The following KCNH5 variants were observed in gnomAD, a reference collection of about 807,000 sequenced individuals.
The protein encoded by KCNH5 is voltage-gated delayed rectifier potassium channel KCNH5.
KCNH5 carries 46 observed loss-of-function variants against 96.1 expected under a neutral mutation model. That is an observed-to-expected ratio of 0.48 (90% confidence interval 0.38 to 0.61). The LOEUF (loss-of-function observed/expected upper bound fraction) is 0.61, where lower values mean the gene tolerates loss of function less well. Among genes scored for constraint, KCNH5 ranks in the 20% least tolerant of loss-of-function variants. The probability of loss-of-function intolerance (pLI) is 0.00; values close to 1 mark genes in which losing one functional copy is unlikely to be tolerated. For missense variants in KCNH5, 907 were observed against 1,225.8 expected (o/e 0.74, Z 3.88); for synonymous variants, 439 against 449.8 (o/e 0.98, Z 0.30).
At chr14:62,948,178 T>G (rs1485915289) in intron 7 of KCNH5, among the ~76,000 whole-genome samples, 9 of 152,200 alleles carry the variant, frequency 5.9e-5, no homozygotes, top group African/African-American at 2.2e-4. Flanking sequence ...TATGGCTGCA[T>G]AGTATTCCAT....
At chr14:62,820,661 G>A (rs913674475) in intron 8 of KCNH5, among the ~76,000 whole-genome samples, 2 of 152,044 alleles carry the variant, frequency 1.3e-5, no homozygotes, top group East Asian at 1.9e-4. Flanking sequence ...CCTTGAAAAC[G>A]ACATGATCTC....
chr14:62,855,533 T>C (rs1237620269), intron 7 of KCNH5, among the ~76,000 whole-genome samples: 1 of 152,196 alleles, frequency 6.6e-6, no homozygotes, highest in Non-Finnish European at 1.5e-5. Flanking sequence ...TAATTATTCT[T>C]TTCTTAAGCC....
At chr14:63,029,687 T>C (rs192629799) in intron 1 of KCNH5, among the ~76,000 whole-genome samples, 1 of 152,162 alleles carries the variant, frequency 6.6e-6, no homozygotes, top group Non-Finnish European at 1.5e-5. Flanking sequence ...GGAGACAGAT[T>C]TTTTAATTAA....
At chr14:62,929,299 C>T (rs984143181) in intron 7 of KCNH5, among the ~76,000 whole-genome samples, 2 of 152,062 alleles carry the variant, frequency 1.3e-5, no homozygotes, top group South Asian at 4.1e-4. Context: ...TTGTTACTAT[C>T]TTGGCCCAAA....
intron 9 of KCNH5, among the ~76,000 whole-genome samples, chr14:62,797,111 G>A (rs1046327552): frequency 6.6e-6 from 1 of 152,042 alleles, no homozygotes; most frequent in Non-Finnish European, 1.5e-5. Context: ...ACTGTGGTAA[G>A]GGATATTAAG....
At chr14:62,742,462 C>T (rs1034442137) in intron 10 of KCNH5, among the ~76,000 whole-genome samples, 2 of 101,882 alleles carry the variant, frequency 2.0e-5, no homozygotes, top group South Asian at 4.0e-4. Flanking sequence ...GTTTTCAATC[C>T]TGGCGCACAT....
intron 7 of KCNH5, among the ~76,000 whole-genome samples, chr14:62,851,777 T>C (rs765089641): frequency 1.1e-4 from 16 of 152,132 alleles, no homozygotes; most frequent in Non-Finnish European, 1.8e-4. Context: ...GAACTATCTA[T>C]TATTTTGACA....
At position 63,001,484 on chromosome 14, in the gene KCNH5, A is replaced by T. The variant is rs201264764; in HGVS notation, c.305-25T>A. The T allele has an allele frequency of 1.4e-4, 219 of 1,595,696 alleles. No individual in the cohort carries two copies. The Admixed American group carries it at 3.8e-3, about 28-fold the overall frequency. On this transcript the variant is annotated intron_variant, in intron 3 of 10. Coordinates refer to ENST00000322893, the MANE Select transcript of KCNH5 (RefSeq NM_139318.5). The stretch of plus-strand genomic sequence containing the variant: ...CCTGTAACAGAAAGAAGTTGGGGAA[A>T]GGACATTAGAGTGTGGCACGGCCAC...
intron 7 of KCNH5, among the ~76,000 whole-genome samples, chr14:62,933,076 C>CTGAG (rs1566713014): frequency 1.3e-5 from 2 of 152,066 alleles, no homozygotes; most frequent in Admixed American, 6.6e-5. Flanking sequence ...AGACAACAGG[C>CTGAG]TGAGGGCTTT....
At chr14:62,738,904 C>G (rs914888018) in intron 10 of KCNH5, among the ~76,000 whole-genome samples, 3 of 151,962 alleles carry the variant, frequency 2.0e-5, no homozygotes, top group Non-Finnish European at 4.4e-5. Flanking sequence ...AAGATGAATT[C>G]TGAATGAGGA....
chr14:62,816,165 T>C (rs964857090), intron 8 of KCNH5, among the ~76,000 whole-genome samples: 1 of 151,888 alleles, frequency 6.6e-6, no homozygotes, highest in Non-Finnish European at 1.5e-5. Context: ...TGGGAAATTA[T>C]TAAGTGTAAG....
chr14:62,721,310 G>C (rs778234935), intron 10 of KCNH5, among the ~76,000 whole-genome samples: 47 of 152,132 alleles, frequency 3.1e-4, no homozygotes, highest in Admixed American at 2.2e-3. Flanking sequence ...GATTTTTAAA[G>C]ATCAAACTTG....
At chr14:63,010,652 A>C (rs1003144) in intron 2 of KCNH5, among the ~76,000 whole-genome samples, 3,003 of 152,316 alleles carry the variant, frequency 0.02, 108 homozygotes, top group African/African-American at 0.068. Context: ...TCGCCTAGGC[A>C]TCTGGCAGTT....
chr14:62,784,509 C>A (rs575126028), intron 9 of KCNH5, among the ~76,000 whole-genome samples: 1 of 152,126 alleles, frequency 6.6e-6, no homozygotes, highest in South Asian at 2.1e-4. Flanking sequence ...CTTTTTCTTC[C>A]TACTGTATGT....
chr14:62,877,403 A>T (rs1215145603), intron 7 of KCNH5, among the ~76,000 whole-genome samples: 1 of 152,136 alleles, frequency 6.6e-6, no homozygotes, highest in African/African-American at 2.4e-5. Context: ...CAGAGTGAAC[A>T]GGCAACCTAC....
chr14:62,952,233 T>C (rs1395082217), intron 6 of KCNH5, among the ~76,000 whole-genome samples: 2 of 152,126 alleles, frequency 1.3e-5, no homozygotes, highest in East Asian at 3.8e-4. Context: ...TAAAAACAAA[T>C]TCCCATTTCA....
chr14:62,862,298 A>G (rs1888052291), intron 7 of KCNH5, among the ~76,000 whole-genome samples: 1 of 152,174 alleles, frequency 6.6e-6, no homozygotes, highest in Admixed American at 6.5e-5. Flanking sequence ...CCAATAACCT[A>G]AATAGTTTGG....
chr14:63,042,983 T>G (rs1891854481), intron 1 of KCNH5, among the ~76,000 whole-genome samples: 3 of 152,098 alleles, frequency 2.0e-5, no homozygotes, highest in Admixed American at 2.0e-4. Flanking sequence ...ACAGATAAAT[T>G]TTCATTTTCA....
intron 7 of KCNH5, among the ~76,000 whole-genome samples, chr14:62,851,727 A>G (rs1887810663): frequency 6.6e-6 from 1 of 152,102 alleles, no homozygotes; most frequent in Admixed American, 6.6e-5. Flanking sequence ...TACGATTTTT[A>G]GTAGTGCTCA....
Sources: gnomAD v4.1 joint callset for allele counts (sites outside exome capture counted in the v4.1 genomes callset) on GRCh38, gnomAD v4.1.1 for gene constraint, MANE v1.5 for transcripts, NCBI Gene and HGNC (gene_info 2026-07-23, HGNC 2026-07-21) for gene names.